WWOX: variants seen among roughly 807,000 people sequenced by gnomAD.
WWOX encodes the protein WW domain containing oxidoreductase.
A neutral mutation model predicts 46.2 loss-of-function variants in WWOX; 69 were observed. The ratio of observed to expected loss-of-function variants is 1.49; its 90% CI spans 1.23 to 1.82. The LOEUF is 1.82. WWOX is among the 40% of genes most tolerant of loss of function. The pLI is 0.00. For missense variants in WWOX, 919 were observed against 542.6 expected (o/e 1.69, Z -6.89); for synonymous variants, 359 against 202.6 (o/e 1.77, Z -6.56).
chr16:78,588,374 A>C (rs888745764), intron 8 of WWOX, among the ~76,000 whole-genome samples: 1 of 152,106 alleles, frequency 6.6e-6, no homozygotes, highest in East Asian at 1.9e-4. Flanking sequence ...TGAAATATTG[A>C]TTTATATCTT....
intron 4 of WWOX, among the ~76,000 whole-genome samples, chr16:78,162,497 A>C (rs2034828640): frequency 6.6e-6 from 1 of 151,306 alleles, no homozygotes; most frequent in South Asian, 2.1e-4. Context: ...ACAAACGTAC[A>C]TTTCTGCTTG....
intron 8 of WWOX, among the ~76,000 whole-genome samples, chr16:78,650,438 C>T (rs1176657467): frequency 6.6e-6 from 1 of 152,106 alleles, no homozygotes; most frequent in East Asian, 1.9e-4. Context: ...GTCCGTGTGC[C>T]TTGCTTCCTA....
intron 8 of WWOX, among the ~76,000 whole-genome samples, chr16:78,643,750 G>C (rs945661818): frequency 6.6e-6 from 1 of 151,500 alleles, no homozygotes; most frequent in African/African-American, 2.4e-5. Context: ...TAGACTTCTT[G>C]TGCCTGTAGA....
intron 8 of WWOX, among the ~76,000 whole-genome samples, chr16:78,603,430 C>CA (rs1567429074): frequency 6.6e-6 from 1 of 152,220 alleles, no homozygotes; most frequent in Non-Finnish European, 1.5e-5. Flanking sequence ...TGCAGTGCCT[C>CA]ATGCCTGCAA....
At chr16:78,922,121 C>G (rs1275183149) in intron 8 of WWOX, among the ~76,000 whole-genome samples, 2 of 152,076 alleles carry the variant, frequency 1.3e-5, no homozygotes, top group African/African-American at 2.4e-5. Context: ...TTTATTGGGT[C>G]TTCGTTGCGT....
intron 5 of WWOX, among the ~76,000 whole-genome samples, chr16:78,261,866 C>G (rs1269526591): frequency 1.3e-5 from 2 of 148,408 alleles, no homozygotes; most frequent in Admixed American, 6.7e-5. Flanking sequence ...TCACATTTTT[C>G]TCCACCAATT....
intron 8 of WWOX, among the ~76,000 whole-genome samples, chr16:78,462,186 G>T (rs1003424079): frequency 1.3e-5 from 2 of 152,124 alleles, no homozygotes; most frequent in African/African-American, 4.8e-5. Flanking sequence ...AACTTGCAGC[G>T]AGGCCATTCA....
At chr16:78,256,814 C>T (rs1017196288) in intron 5 of WWOX, among the ~76,000 whole-genome samples, 1 of 152,048 alleles carries the variant, frequency 6.6e-6, no homozygotes, top group Non-Finnish European at 1.5e-5. Flanking sequence ...CACAAGCTGT[C>T]ATCTGTGATT....
chr16:78,422,968 C>G (rs1265445017), intron 6 of WWOX, among the ~76,000 whole-genome samples: 1 of 150,652 alleles, frequency 6.6e-6, no homozygotes, highest in Non-Finnish European at 1.5e-5. Context: ...TCACTACAAC[C>G]TCTGCCTCCT....
chr16:78,766,880 G>A (rs1381552489), intron 8 of WWOX, among the ~76,000 whole-genome samples: 2 of 152,038 alleles, frequency 1.3e-5, no homozygotes, highest in African/African-American at 4.8e-5. Context: ...GTAACCATCA[G>A]CATTACCTAT....
At chr16:79,104,162 T>C (rs182220593) in intron 8 of WWOX, among the ~76,000 whole-genome samples, 4 of 151,062 alleles carry the variant, frequency 2.6e-5, no homozygotes, top group Admixed American at 2.0e-4. Flanking sequence ...ACCCCACAAA[T>C]AGGTGAACTA....
At chr16:78,556,886 G>T (rs2667507) in intron 8 of WWOX, among the ~76,000 whole-genome samples, 126,524 of 151,650 alleles carry the variant, frequency 0.83, 53,445 homozygotes, top group East Asian at 1. Flanking sequence ...GCCCGGCTAA[G>T]TTTTCTATTT....
At chr16:78,551,435 C>A in intron 8 of WWOX, 1 of 152,234 alleles carries the variant, frequency 6.6e-6, no homozygotes. Context: ...GAATATTGCC[C>A]TGATGTCTGG....
At chr16:78,451,708 C>T (rs932274173) in intron 8 of WWOX, among the ~76,000 whole-genome samples, 2 of 152,186 alleles carry the variant, frequency 1.3e-5, no homozygotes, top group Non-Finnish European at 2.9e-5. Flanking sequence ...TGCTAGTCTT[C>T]TTCGTGTGCT....
intron 8 of WWOX, among the ~76,000 whole-genome samples, chr16:78,968,618 T>G (rs1012212993): frequency 1.3e-5 from 2 of 152,094 alleles, no homozygotes; most frequent in Non-Finnish European, 2.9e-5. Flanking sequence ...TGTTGAGAGG[T>G]TCATGATGGT....
At chr16:79,078,262 T>G (rs1231457408) in intron 8 of WWOX, 1 of 152,248 alleles carries the variant, frequency 6.6e-6, no homozygotes, top group African/African-American at 2.4e-5. Context: ...TTTCACAGTT[T>G]GGTGACACAA....
chr16:78,353,511 C>T (rs988744878), intron 5 of WWOX, among the ~76,000 whole-genome samples: 6 of 152,210 alleles, frequency 3.9e-5, no homozygotes, highest in Admixed American at 2.6e-4. Flanking sequence ...CCCTTCTCCT[C>T]TAGCCAGTTG....
intron 8 of WWOX, among the ~76,000 whole-genome samples, chr16:78,451,558 C>T (rs1269138826): frequency 6.6e-6 from 1 of 152,120 alleles, no homozygotes; most frequent in Non-Finnish European, 1.5e-5. Flanking sequence ...GACCTGCTGG[C>T]CAGCCACATT....
intron 8 of WWOX, among the ~76,000 whole-genome samples, chr16:78,827,773 A>C (rs1292789295): frequency 6.6e-6 from 1 of 152,120 alleles, no homozygotes. Context: ...TCTGGGAGGC[A>C]GCGGTTGCAG....
Sources: gnomAD v4.1 joint callset for allele counts (sites outside exome capture counted in the v4.1 genomes callset) on GRCh38, gnomAD v4.1.1 for gene constraint, MANE v1.5 for transcripts, NCBI Gene and HGNC (gene_info 2026-07-23, HGNC 2026-07-21) for gene names.